Variants in HDAC9 observed in about 807,000 individuals in gnomAD.
HDAC9 encodes the protein histone deacetylase 9, also known as MEF-2 interacting transcription repressor (MITR) protein.
In HDAC9, 41 loss-of-function variants were observed where a neutral mutation model predicts 139.4. That is an observed-to-expected ratio of 0.29 (90% CI 0.23 to 0.38). The LOEUF is 0.38. Among genes scored for constraint, HDAC9 ranks in the 10% least tolerant of loss-of-function variants. HDAC9 has a pLI of 1.00. For missense variants in HDAC9, 1,147 were observed against 1,297.0 expected (o/e 0.88, Z 1.78); for synonymous variants, 517 against 476.2 (o/e 1.09, Z -1.12).
intron 16 of HDAC9, among the ~76,000 whole-genome samples, chr7:18,783,335 T>C (rs1791414482): frequency 6.6e-6 from 1 of 152,138 alleles, no homozygotes; most frequent in Non-Finnish European, 1.5e-5. Context: ...TCTCAAATTA[T>C]TATGTGGTAA....
chr7:18,404,013 C>T (rs985378276), intron 1 of HDAC9, among the ~76,000 whole-genome samples: 1 of 152,150 alleles, frequency 6.6e-6, no homozygotes, highest in Admixed American at 6.5e-5. Context: ...TCTTTTAGAG[C>T]TCTCGAGGAG....
At chr7:18,475,144 G>A (rs1443019606) in intron 1 of HDAC9, among the ~76,000 whole-genome samples, 1 of 152,192 alleles carries the variant, frequency 6.6e-6, no homozygotes, top group African/African-American at 2.4e-5. Flanking sequence ...AGGATCTTGT[G>A]GTGGTCAGTG....
intron 23 of HDAC9, among the ~76,000 whole-genome samples, chr7:18,943,951 T>A (rs1046759510): frequency 2.0e-5 from 3 of 152,180 alleles, no homozygotes; most frequent in Non-Finnish European, 4.4e-5. Context: ...ACAATCACCC[T>A]GATTCTGATA....
chr7:18,890,757 A>G (rs1370899928), intron 22 of HDAC9, among the ~76,000 whole-genome samples: 1 of 152,242 alleles, frequency 6.6e-6, no homozygotes, highest in Non-Finnish European at 1.5e-5. Flanking sequence ...TGTAACATAG[A>G]AGTATTAATA....
At chr7:18,839,148 C>G (rs1281752116) in intron 21 of HDAC9, among the ~76,000 whole-genome samples, 1 of 152,010 alleles carries the variant, frequency 6.6e-6, no homozygotes, top group African/African-American at 2.4e-5. Context: ...TTATGTTCAA[C>G]TAAAATATAT....
intron 2 of HDAC9, among the ~76,000 whole-genome samples, chr7:18,190,851 T>C (rs1790300829): frequency 1.3e-5 from 2 of 152,198 alleles, no homozygotes; most frequent in African/African-American, 4.8e-5. Context: ...AATATTTAAA[T>C]ATTATGCATG....
intron 12 of HDAC9, among the ~76,000 whole-genome samples, chr7:18,676,150 C>T (rs1186777653): frequency 6.6e-6 from 1 of 152,002 alleles, no homozygotes; most frequent in Non-Finnish European, 1.5e-5. Flanking sequence ...TTGGCATTGT[C>T]TAGTAGCCTA....
chr7:18,545,337 A>G (rs766500666), intron 2 of HDAC9, among the ~76,000 whole-genome samples: 23 of 152,216 alleles, frequency 1.5e-4, no homozygotes, highest in Non-Finnish European at 2.6e-4. Context: ...GATAAGAATC[A>G]AATACTTGGT....
intron 2 of HDAC9, among the ~76,000 whole-genome samples, chr7:18,191,331 A>G (rs1407571881): frequency 6.6e-6 from 1 of 152,228 alleles, no homozygotes; most frequent in Non-Finnish European, 1.5e-5. Context: ...TCATTAAATA[A>G]TCTTTGCAGA....
intron 6 of HDAC9, among the ~76,000 whole-genome samples, chr7:18,627,983 T>C (rs1444040627): frequency 6.6e-6 from 1 of 152,130 alleles, no homozygotes; most frequent in Non-Finnish European, 1.5e-5. Context: ...AGTATAGATA[T>C]TTGAAGACTA....
intron 1 of HDAC9, among the ~76,000 whole-genome samples, chr7:18,383,383 A>G (rs1445060865): frequency 6.6e-6 from 1 of 152,180 alleles, no homozygotes; most frequent in Non-Finnish European, 1.5e-5. Flanking sequence ...CTAGATGAAC[A>G]CTATTAGGCT....
upstream of HDAC9, chr7:18,290,077 C>T (rs1797709584): frequency 6.4e-6 from 1 of 157,084 alleles, no homozygotes; most frequent in African/African-American, 2.4e-5. Context: ...AATCACTCCC[C>T]TTCCTACCCA....
chr7:18,428,615 A>G (rs1330045544), intron 1 of HDAC9, among the ~76,000 whole-genome samples: 1 of 152,156 alleles, frequency 6.6e-6, no homozygotes, highest in Non-Finnish European at 1.5e-5. Context: ...CAAACAAACA[A>G]AAACAAAAGA....
rs146240447 is a variant in HDAC9 at position 18,396,744 on chromosome 7, A to G, written c.-41-99518A>G. Among the ~76,000 whole-genome samples the G allele has an allele frequency of 1.8e-3, 267 of 152,306 alleles. 1 individual carries two copies. The highest frequency in any genetic ancestry group is 5.9e-3 in the African/African-American group (246 of 41,582). ...TAATTGTGTTTAGCCAATATATTAA[A>G]GACTGCTAAATATTTGGAATTTTAC... On this transcript the variant is annotated intron_variant, in intron 1 of 3. Transcript: ENST00000413509.
At chr7:18,165,062 A>C (rs1473601007) in intron 2 of HDAC9, among the ~76,000 whole-genome samples, 6 of 152,232 alleles carry the variant, frequency 3.9e-5, no homozygotes, top group African/African-American at 1.4e-4. Context: ...TAAGTATTTT[A>C]ATAAATTTAG....
intron 1 of HDAC9, among the ~76,000 whole-genome samples, chr7:18,296,030 C>CT (rs1468589234): frequency 6.6e-6 from 1 of 152,060 alleles, no homozygotes; most frequent in East Asian, 1.9e-4. Context: ...CCTTTACTGC[C>CT]TTTTTTTCAT....
At chr7:18,590,904 A>C (rs1830761030) in intron 4 of HDAC9, among the ~76,000 whole-genome samples, 1 of 152,188 alleles carries the variant, frequency 6.6e-6, no homozygotes, top group Non-Finnish European at 1.5e-5. Flanking sequence ...AAACTTTGAG[A>C]AGATTTAAGA....
chr7:18,469,262 T>C (rs1044047806), intron 1 of HDAC9, among the ~76,000 whole-genome samples: 1 of 152,232 alleles, frequency 6.6e-6, no homozygotes, highest in Admixed American at 6.5e-5. Context: ...TGTTAACTTA[T>C]TTTTAATATT....
intron 25 of HDAC9, among the ~76,000 whole-genome samples, chr7:18,989,851 C>G (rs1182831921): frequency 6.8e-6 from 1 of 147,144 alleles, no homozygotes; most frequent in African/African-American, 2.5e-5. Flanking sequence ...CGCATCGGCT[C>G]CTGAGGCTTC....
Sources: allele counts gnomAD v4.1 joint callset (sites outside exome capture counted in the v4.1 genomes callset), GRCh38; gene constraint gnomAD v4.1.1; transcripts MANE v1.5; gene names NCBI Gene and HGNC (gene_info 2026-07-23, HGNC 2026-07-21).